GPCPD1: variants seen among roughly 807,000 people sequenced by gnomAD.
GPCPD1 encodes the protein glycerophosphocholine phosphodiesterase GPCPD1.
A neutral mutation model predicts 89.2 loss-of-function variants in GPCPD1; 29 were observed. The ratio of observed to expected loss-of-function variants is 0.33; its 90% CI spans 0.24 to 0.44. GPCPD1 has a LOEUF of 0.44. GPCPD1 is among the 20% of genes least tolerant of loss of function. GPCPD1 has a pLI of 1.00. For synonymous variants in GPCPD1, 258 were observed against 266.3 expected (o/e 0.97, Z 0.30); for missense variants, 594 against 808.9 (o/e 0.73, Z 3.22).
chr20:5,571,086 G>A (rs1431265389), intron 11 of GPCPD1, among the ~76,000 whole-genome samples: 2 of 152,190 alleles, frequency 1.3e-5, no homozygotes, highest in East Asian at 3.8e-4. Context: ...TTACTGAAAA[G>A]ATGGGTGCAT....
At position 5,575,811 on chromosome 20, in the gene GPCPD1, C is replaced by G; in HGVS notation, c.868+5G>C. 1 of 1,595,086 alleles carries G rather than the reference C, an allele frequency of 6.3e-7. No homozygotes were observed. The highest frequency in any genetic ancestry group is 8.6e-7 in the Non-Finnish European group (1 of 1,164,704). ...TGGGTTATTTGGCAGTGTCTTCAAC[C>G]TTACCTCTCACTTTGCCTATTGTTT... On this transcript the variant is annotated splice_donor_5th_base_variant and intron_variant, in intron 9 of 19. Coordinates refer to ENST00000379019, the MANE Select transcript of GPCPD1 (RefSeq NM_019593.5).
chr20:5,552,435 C>G (rs1985473931), intron 19 of GPCPD1, among the ~76,000 whole-genome samples: 1 of 152,200 alleles, frequency 6.6e-6, no homozygotes, highest in Non-Finnish European at 1.5e-5. Context: ...TCTTCCTGTT[C>G]TCCATTAAAT....
At chr20:5,593,509 C>A in intron 3 of GPCPD1, 98 bp from the exon 4 acceptor site, 1 of 695,480 alleles carries the variant, frequency 1.4e-6, no homozygotes, top group Non-Finnish European at 2.6e-6. Flanking sequence ...AACGTATGAC[C>A]AATATCACTT....
intron 8 of GPCPD1, among the ~76,000 whole-genome samples, chr20:5,577,876 C>G (rs1484120493): frequency 6.6e-6 from 1 of 152,162 alleles, no homozygotes; most frequent in Non-Finnish European, 1.5e-5. Flanking sequence ...CATGTAGCTC[C>G]AGAAAGTTAG....
chr20:5,561,447 G>C lies in GPCPD1; in HGVS notation c.1395+18C>G, dbSNP rs1227480822. On this transcript the variant is annotated intron_variant, in intron 16 of 19. Transcript: ENST00000379019. ...AGGCATAGAGAGTATAGAATGTGCT[G>C]CATAGAGAATTACTTACCCTTTGCT... 1 of 1,421,120 alleles carries C rather than the reference G, an allele frequency of 7.0e-7. No individual in the cohort carries two copies. The highest frequency in any genetic ancestry group is 9.9e-7 in the Non-Finnish European group (1 of 1,006,402). The allele number at this position is 1,421,120 out of a possible 1,614,324, so 88.0% of individuals were successfully genotyped here.
chr20:5,551,450 T>C (rs554705698), intron 19 of GPCPD1, among the ~76,000 whole-genome samples: 1 of 152,274 alleles, frequency 6.6e-6, no homozygotes, highest in East Asian at 1.9e-4. Flanking sequence ...CACTATAAAA[T>C]AGCAATTACT....
At chr20:5,581,261 T>C (rs184655431) in intron 6 of GPCPD1, among the ~76,000 whole-genome samples, 291 of 152,326 alleles carry the variant, frequency 1.9e-3, no homozygotes, top group African/African-American at 6.5e-3. Flanking sequence ...AGTCTTAAAT[T>C]CTTCATTAAA....
rs148251358 is a variant in GPCPD1 at position 5,555,482 on chromosome 20, T to C, written c.1829+2463A>G. On this transcript the variant is annotated intron_variant, in intron 19 of 19. Coordinates refer to ENST00000379019, the MANE Select transcript of GPCPD1 (RefSeq NM_019593.5). ...TGAACCTGGGAGGCGGAGGTTGCAG[T>C]GAGCCGAGATTGTGCCATTGCACTG... Among the ~76,000 whole-genome samples, 104 of 152,254 alleles carry C rather than the reference T, an allele frequency of 6.8e-4. No individual in the cohort carries two copies. In the East Asian group the frequency reaches 0.014, roughly 20 times the overall value.
At chr20:5,599,019 C>T (rs1979938144) in intron 2 of GPCPD1, among the ~76,000 whole-genome samples, 198 bp from the exon 3 acceptor site, 2 of 152,104 alleles carry the variant, frequency 1.3e-5, no homozygotes, top group Non-Finnish European at 2.9e-5. Context: ...CTTTCTAGAA[C>T]CAAAGCCAGA....
chr20:5,549,021 C>CT, intron 19 of GPCPD1: 1 of 691,190 alleles, frequency 1.4e-6, no homozygotes, highest in Non-Finnish European at 2.5e-6. Context: ...CCGCTGATCT[C>CT]TAAGTTTGAT....
Position 5,544,564 on chromosome 20 carries a change from C to T in GPCPD1, c.*3097G>A, listed in dbSNP as rs993107970. ...ATCTTACTGGAGAATATAACAGGCA[C>T]ATAAGAAGCTGGACTACAAGGAAGC... On this transcript the variant is annotated 3_prime_UTR_variant, in exon 20 of 20. Transcript: ENST00000379019. 6.6e-6 allele frequency: 1 copy of T among 152,200 alleles called. No individual in the cohort carries two copies. Among genetic ancestry groups the T allele is most frequent in the Non-Finnish European group, 1.5e-5 (1 of 68,038 alleles). The allele number at this position is 152,200 out of a possible 1,614,324, so 9.4% of individuals were successfully genotyped here. A position where few individuals can be genotyped will look rare whatever the true frequency, so the allele number is the denominator to read the frequency against.
intron 2 of GPCPD1, 30 bp from the exon 3 acceptor site, chr20:5,598,851 A>G: frequency 7.4e-7 from 1 of 1,358,532 alleles, no homozygotes; most frequent in African/African-American, 1.4e-5. Context: ...AGTCACAGAG[A>G]AACAGAACAA....
chr20:5,606,119 ATC>A (rs1261932022), intron 1 of GPCPD1, among the ~76,000 whole-genome samples: 1 of 152,222 alleles, frequency 6.6e-6, no homozygotes, highest in African/African-American at 2.4e-5. Flanking sequence ...AGTCAAAGGA[ATC>A]TGTTTCCCAT....
At chr20:5,549,336 G>A in intron 19 of GPCPD1, 1 of 1,113,860 alleles carries the variant, frequency 9.0e-7, no homozygotes. Context: ...ACTACTGAAT[G>A]TGAAAACAGA....
intron 4 of GPCPD1, among the ~76,000 whole-genome samples, chr20:5,589,855 A>C (rs1979201969): frequency 6.6e-6 from 1 of 152,222 alleles, no homozygotes; most frequent in Non-Finnish European, 1.5e-5. Flanking sequence ...ATCTTTGGAG[A>C]AAAAAGTAAT....
At chr20:5,604,622 G>C (rs1364869943) in intron 1 of GPCPD1, among the ~76,000 whole-genome samples, 182 bp from the exon 2 acceptor site, 1 of 80,546 alleles carries the variant, frequency 1.2e-5, no homozygotes, top group Non-Finnish European at 2.5e-5. Flanking sequence ...GGGGGGGGGG[G>C]GGCGGGAAAG....
chr20:5,574,189 T>C, intron 10 of GPCPD1: 2 of 548,338 alleles, frequency 3.6e-6, no homozygotes, highest in Admixed American at 3.3e-5. Context: ...AATACCGACA[T>C]GGCCAACACA....
At chr20:5,563,006 G>A (rs1421353120) in intron 15 of GPCPD1, among the ~76,000 whole-genome samples, 3 of 148,010 alleles carry the variant, frequency 2.0e-5, no homozygotes, top group South Asian at 2.1e-4. Context: ...TTTTTGAGAC[G>A]GAGTCTCGCT....
intron 12 of GPCPD1, among the ~76,000 whole-genome samples, chr20:5,568,802 A>G (rs1986544348): frequency 6.6e-6 from 1 of 152,124 alleles, no homozygotes; most frequent in Non-Finnish European, 1.5e-5. Context: ...AGTCCTAGCT[A>G]CTTAGGAGGC....
Sources: allele counts gnomAD v4.1 joint callset (sites outside exome capture counted in the v4.1 genomes callset), GRCh38; gene constraint gnomAD v4.1.1; transcripts MANE v1.5; gene names NCBI Gene and HGNC (gene_info 2026-07-23, HGNC 2026-07-21).